Variants in GPC5 observed in about 807,000 individuals in gnomAD.
GPC5 encodes glypican-5.
In GPC5, 47 loss-of-function variants were observed where a neutral mutation model predicts 53.9. The ratio of observed to expected loss-of-function variants is 0.87; its 90% CI spans 0.69 to 1.11. GPC5 has a LOEUF of 1.11. Ranked by LOEUF, GPC5 falls within the 50% of genes most tolerant of loss-of-function variation. The pLI, the probability that GPC5 is intolerant of heterozygous loss-of-function variation, is 0.00. For missense variants in GPC5, 748 were observed against 713.1 expected (o/e 1.05, Z -0.56); for synonymous variants, 286 against 263.3 (o/e 1.09, Z -0.84).
chr13:92,239,153 CT>C lies in GPC5; in HGVS notation c.1561+94177del, dbSNP rs370167814. On this transcript the variant is annotated intron_variant, in intron 7 of 7. Coordinates refer to ENST00000377067, the MANE Select transcript of GPC5 (RefSeq NM_004466.6). ...AAATTGTGATGTGTGAGTCTTTCAA[CT>C]TTTTTTTTTTTTCAAGATTCTACTG... 2.1e-3 allele frequency among the ~76,000 whole-genome samples: 269 copies of C among 125,756 alleles called. 1 individual carries two copies. Among genetic ancestry groups the C allele is most frequent in the East Asian group, 0.011 (51 of 4,708 alleles). The allele number at this position is 125,756 out of a possible 152,430, so 82.5% of individuals were successfully genotyped here.
intron 1 of GPC5, among the ~76,000 whole-genome samples, chr13:91,443,827 C>T (rs745425878): frequency 7.2e-5 from 11 of 152,118 alleles, no homozygotes; most frequent in Non-Finnish European, 1.5e-4. Context: ...TTCAAGATTA[C>T]AGAGTCTTAC....
chr13:91,444,471 A>G (rs1880646880), intron 1 of GPC5, among the ~76,000 whole-genome samples: 1 of 152,060 alleles, frequency 6.6e-6, no homozygotes, highest in Non-Finnish European at 1.5e-5. Context: ...TGTTCATTTT[A>G]TATGAAGTTA....
At chr13:92,804,170 T>C (rs1179000135) in intron 7 of GPC5, among the ~76,000 whole-genome samples, 1 of 151,964 alleles carries the variant, frequency 6.6e-6, no homozygotes, top group Non-Finnish European at 1.5e-5. Context: ...TGTCCTGTAA[T>C]ATTTAGTGCT....
chr13:91,435,762 G>C (rs993680093), intron 1 of GPC5, among the ~76,000 whole-genome samples: 1 of 152,152 alleles, frequency 6.6e-6, no homozygotes, highest in African/African-American at 2.4e-5. Flanking sequence ...AGAAGGAATG[G>C]TACCAGCTCC....
At chr13:91,660,001 T>G (rs1440832462) in intron 2 of GPC5, among the ~76,000 whole-genome samples, 1 of 151,984 alleles carries the variant, frequency 6.6e-6, no homozygotes, top group African/African-American at 2.4e-5. Flanking sequence ...TAGAGAAGCT[T>G]AATAGAGGAA....
chr13:91,403,858 C>A (rs1877128663), intron 1 of GPC5, among the ~76,000 whole-genome samples: 1 of 152,174 alleles, frequency 6.6e-6, no homozygotes, highest in African/African-American at 2.4e-5. Context: ...ACTGATCACA[C>A]ATATTCCCTC....
chr13:91,804,399 G>A (rs1360547463), intron 5 of GPC5, among the ~76,000 whole-genome samples: 1 of 152,180 alleles, frequency 6.6e-6, no homozygotes, highest in Non-Finnish European at 1.5e-5. Context: ...CCACTTCAAA[G>A]TGCCAGCACA....
chr13:91,686,508 G>T (rs1431346290), intron 2 of GPC5, among the ~76,000 whole-genome samples: 1 of 151,836 alleles, frequency 6.6e-6, no homozygotes, highest in African/African-American at 2.4e-5. Flanking sequence ...AAAAAATTAG[G>T]AAATATGCAA....
intron 6 of GPC5, among the ~76,000 whole-genome samples, chr13:92,059,548 C>A (rs1250333662): frequency 6.6e-6 from 1 of 151,694 alleles, no homozygotes; most frequent in East Asian, 1.9e-4. Context: ...TGTGTATAAT[C>A]TTTTAAATTC....
chr13:92,314,974 G>A (rs1353797617), intron 7 of GPC5, among the ~76,000 whole-genome samples: 1 of 152,010 alleles, frequency 6.6e-6, no homozygotes, highest in Non-Finnish European at 1.5e-5. Context: ...ACGGGGTGTT[G>A]CTGTGTTGCC....
intron 7 of GPC5, among the ~76,000 whole-genome samples, chr13:92,348,586 GACATAA>G (rs2043448248): frequency 6.6e-6 from 1 of 151,984 alleles, no homozygotes; most frequent in Non-Finnish European, 1.5e-5. Flanking sequence ...GGACCTAACA[GACATAA>G]ACAGAACATT....
chr13:92,339,399 G>T (rs569679692), intron 7 of GPC5, among the ~76,000 whole-genome samples: 30 of 152,070 alleles, frequency 2.0e-4, no homozygotes, highest in Non-Finnish European at 4.3e-4. Flanking sequence ...GAGTAATCAA[G>T]GATATATTTA....
chr13:92,458,684 G>A (rs1189941086), intron 7 of GPC5, among the ~76,000 whole-genome samples: 1 of 152,128 alleles, frequency 6.6e-6, no homozygotes, highest in Non-Finnish European at 1.5e-5. Context: ...CAAGAAAGAA[G>A]ACAAAGAATA....
intron 2 of GPC5, among the ~76,000 whole-genome samples, chr13:91,524,488 GAC>G (rs753940750): frequency 2.0e-5 from 3 of 151,914 alleles, no homozygotes; most frequent in Non-Finnish European, 4.4e-5. Flanking sequence ...CCTACTACCA[GAC>G]TACTAGCAAA....
chr13:92,839,783 G>A (rs1301097981), intron 7 of GPC5, among the ~76,000 whole-genome samples: 2 of 151,822 alleles, frequency 1.3e-5, no homozygotes, highest in African/African-American at 2.4e-5. Flanking sequence ...TCAAATAAAC[G>A]CAATCAGTAA....
At chr13:92,843,133 T>C (rs1420523220) in intron 7 of GPC5, among the ~76,000 whole-genome samples, 2 of 152,154 alleles carry the variant, frequency 1.3e-5, no homozygotes, top group African/African-American at 4.8e-5. Context: ...AGGTGGATTG[T>C]TTTTCATAAT....
At chr13:92,529,807 G>A (rs1881489924) in intron 7 of GPC5, among the ~76,000 whole-genome samples, 2 of 152,142 alleles carry the variant, frequency 1.3e-5, no homozygotes, top group Admixed American at 6.6e-5. Flanking sequence ...ATATGGCTGG[G>A]CATGATGGCT....
chr13:92,003,256 A>T (rs9589400), intron 6 of GPC5, among the ~76,000 whole-genome samples: 6 of 149,472 alleles, frequency 4.0e-5, no homozygotes. Flanking sequence ...GGGAAGCGGC[A>T]GTTGGAGTGA....
chr13:92,695,076 C>A (rs1887519318), intron 7 of GPC5, among the ~76,000 whole-genome samples: 1 of 152,192 alleles, frequency 6.6e-6, no homozygotes, highest in African/African-American at 2.4e-5. Context: ...ATGTAAGTCT[C>A]ATGAGGCCTC....
Sources: gnomAD v4.1 joint callset for allele counts (sites outside exome capture counted in the v4.1 genomes callset) on GRCh38, gnomAD v4.1.1 for gene constraint, MANE v1.5 for transcripts, NCBI Gene and HGNC (gene_info 2026-07-23, HGNC 2026-07-21) for gene names.